Variants in GRK1 observed in about 807,000 individuals in gnomAD.
GRK1 encodes G protein-coupled receptor kinase 1.
A neutral mutation model predicts 41.7 loss-of-function variants in GRK1; 28 were observed. The ratio of observed to expected loss-of-function variants is 0.67; its 90% CI spans 0.50 to 0.92. GRK1 has a LOEUF of 0.92. Ranked by LOEUF, GRK1 falls within the 40% of genes least tolerant of loss-of-function variation. The pLI is 0.00. For missense variants in GRK1, 703 were observed against 671.2 expected (o/e 1.05, Z -0.52); for synonymous variants, 327 against 286.7 (o/e 1.14, Z -1.42).
intron 6 of GRK1, among the ~76,000 whole-genome samples, chr13:113,733,776 TAC>T (rs879662223): frequency 0.095 from 12,363 of 129,800 alleles, 957 homozygotes; most frequent in Middle Eastern, 0.15. Context: ...TGTGTGTGCA[TAC>T]GTGTGTGCAT....
At chr13:113,668,960 C>T (rs552297105) in intron 1 of GRK1, among the ~76,000 whole-genome samples, 5 of 152,356 alleles carry the variant, frequency 3.3e-5, no homozygotes, top group South Asian at 2.1e-4. Flanking sequence ...GTGTTCTCGC[C>T]GTGGAACTCG....
At chr13:113,728,856 G>C (rs567936640) in intron 4 of GRK1, among the ~76,000 whole-genome samples, 1 of 152,316 alleles carries the variant, frequency 6.6e-6, no homozygotes, top group East Asian at 1.9e-4. Context: ...AGCCCGGCTG[G>C]TGGGGTCTGC....
chr13:113,669,882 G>A (rs2049845447), intron 2 of GRK1, 68 bp downstream of exon 2: 1 of 1,587,706 alleles, frequency 6.3e-7, no homozygotes, highest in South Asian at 1.1e-5. Flanking sequence ...CCAGGGCCCG[G>A]GCTCCTTTCC....
rs574364389 is a variant in GRK1, at chr13:113,671,162, G to A, written c.828-337G>A. ...TGAGTCTGATGAACTTGGGGCCTGC[G>A]GAGCTGCATCCCACCTCGGCCTCGG... On this transcript the variant is annotated intron_variant, in intron 2 of 6. Coordinates refer to ENST00000335678, the MANE Select transcript of GRK1 (RefSeq NM_002929.3). The surrounding 1 kb of genome is among the most constrained non-coding windows in gnomAD (Gnocchi z 4.1). Among the ~76,000 whole-genome samples, 53 of 152,314 alleles carry A rather than the reference G, an allele frequency of 3.5e-4. No homozygotes were observed. The highest frequency in any genetic ancestry group is 7.7e-4 in the East Asian group (4 of 5,178).
At chr13:113,728,489 TGAG>T (rs1457739433) in intron 4 of GRK1, among the ~76,000 whole-genome samples, 1 of 150,672 alleles carries the variant, frequency 6.6e-6, no homozygotes, top group Non-Finnish European at 1.5e-5. Context: ...CCCATGGCGA[TGAG>T]GAGTACCCAT....
At chr13:113,732,700 G>A (rs984621531) in intron 5 of GRK1, among the ~76,000 whole-genome samples, 184 bp from the exon 6 acceptor site, 1 of 152,178 alleles carries the variant, frequency 6.6e-6, no homozygotes, top group Non-Finnish European at 1.5e-5. Flanking sequence ...TGGGAGCTTC[G>A]CCTTTAGGAT....
the GRK1 span, among the ~76,000 whole-genome samples, chr13:113,659,567 T>A: frequency 6.6e-6 from 1 of 152,152 alleles, no homozygotes; most frequent in Non-Finnish European, 1.5e-5. Flanking sequence ...TTCCTATCAT[T>A]TCTTTTCTTT....
At chr13:113,727,014 G>A (rs1210110551) in intron 4 of GRK1, among the ~76,000 whole-genome samples, 1 of 152,232 alleles carries the variant, frequency 6.6e-6, no homozygotes, top group Non-Finnish European at 1.5e-5. Flanking sequence ...CCCAGCCTGC[G>A]GCCTCTCTGC....
chr13:113,733,423 C>T lies in GRK1; in HGVS notation c.1396+338C>T, dbSNP rs566747993. On this transcript the variant is annotated intron_variant, in intron 6 of 6. Coordinates refer to ENST00000335678, the MANE Select transcript of GRK1 (RefSeq NM_002929.3). ...GAGGCCAGTGGCTCAGGCCGTCTGC[C>T]GGGGAGAAAGTCATCCACCCACCAG... is the stretch of plus-strand genomic sequence containing the variant. 1.3e-4 allele frequency among the ~76,000 whole-genome samples: 20 copies of T among 151,934 alleles called. No homozygotes were observed. The South Asian group carries it at 2.5e-3, about 19-fold the overall frequency.
chr13:113,671,893 C>T lies in GRK1; in HGVS notation c.985+237C>T, dbSNP rs955625217. Reference sequence around the variant, plus strand: ...GAACGGCGAGTCTGTTACGCCCAGTCCCCACCTTCCTTCTGCCTGAATGAG... The same window carrying T: ...GAACGGCGAGTCTGTTACGCCCAGTTCCCACCTTCCTTCTGCCTGAATGAG... On this transcript the variant is annotated intron_variant, in intron 3 of 6. Coordinates refer to ENST00000335678, the MANE Select transcript of GRK1 (RefSeq NM_002929.3). This position sits in a 1 kb window ranked among gnomAD's most constrained non-coding sequence, Gnocchi z 4.1. Among the ~76,000 whole-genome samples the T allele has an allele frequency of 6.6e-6, 1 of 152,098 alleles. No homozygotes were observed. The highest frequency in any genetic ancestry group is 6.5e-5 in the Admixed American group (1 of 15,286).
At chr13:113,661,252 T>C in the GRK1 span, among the ~76,000 whole-genome samples, 2 of 151,604 alleles carry the variant, frequency 1.3e-5, no homozygotes, top group African/African-American at 2.4e-5. Flanking sequence ...TACTCATGAG[T>C]CAAAAAGGAA....
At chr13:113,734,867 C>T (rs148715362) in intron 6 of GRK1, 2 of 470,072 alleles carry the variant, frequency 4.3e-6, no homozygotes, top group East Asian at 3.4e-5. Context: ...CACTCAAGCC[C>T]CAGCTGTGTG....
the GRK1 span, chr13:113,658,021 C>T: frequency 6.3e-7 from 1 of 1,589,324 alleles, no homozygotes; most frequent in Admixed American, 1.7e-5. Flanking sequence ...CCGGCCCGCC[C>T]CCCGCACGTA....
At chr13:113,670,029 C>T (rs1182675745) in intron 2 of GRK1, among the ~76,000 whole-genome samples, 1 of 152,208 alleles carries the variant, frequency 6.6e-6, no homozygotes, top group Non-Finnish European at 1.5e-5. Context: ...GGCGCCCAAC[C>T]TGACAATCAG....
At position 113,735,496 on chromosome 13, in the gene GRK1, C is replaced by T; in HGVS notation, c.*133C>T. ...CCCTCCACCCAGGTCCCCATCACGC[C>T]ATCTCCTTGCGGCCCAAGGAGGAGA... On this transcript the variant is annotated 3_prime_UTR_variant, in exon 7 of 7. Transcript: ENST00000335678. 2 of 1,019,974 alleles carry T rather than the reference C, an allele frequency of 2.0e-6. No homozygotes were observed. The highest frequency in any genetic ancestry group is 2.7e-6 in the Non-Finnish European group (2 of 738,948). 63.2% of individuals were successfully genotyped at this position (1,019,974 alleles called of 1,614,324 possible). A position where few individuals can be genotyped will look rare whatever the true frequency, so the allele number is the denominator to read the frequency against.
chr13:113,668,504 G>A (rs2049835104), intron 1 of GRK1, among the ~76,000 whole-genome samples: 1 of 152,212 alleles, frequency 6.6e-6, no homozygotes, highest in Admixed American at 6.5e-5. Context: ...AACTGAGGCA[G>A]GACGGAGGCA....
upstream of GRK1, among the ~76,000 whole-genome samples, chr13:113,663,653 A>G (rs1325977718): frequency 6.6e-6 from 1 of 152,254 alleles, no homozygotes; most frequent in Non-Finnish European, 1.5e-5. Context: ...AAAAGATGTG[A>G]AGAGACATTT....
Position 113,667,676 on chromosome 13 carries a change from C to T in GRK1, c.290C>T (p.Thr97Met), listed in dbSNP as rs116680839. ...TGGAAAGACATCGAGGACTATGACA[C>T]GGCAGACAATGACCTCCAGCCACAG... The part of the protein sequence containing the change: ...ELWKDIEDYD[T>M]ADNDLQPQKA... Residue 97 changes from threonine (T) to methionine (M), a missense_variant, in exon 1 of 7, where the codon ACG becomes ATG. Transcript: ENST00000335678. This position sits in a 1 kb window ranked among gnomAD's most constrained non-coding sequence, Gnocchi z 7.5. 1,688 of 1,613,620 alleles carry T rather than the reference C, an allele frequency of 1.0e-3. 17 individuals carry two copies. The African/African-American group carries it at 0.017, about 16-fold the overall frequency.
At chr13:113,733,925 C>CGT (rs1566700373) in intron 6 of GRK1, among the ~76,000 whole-genome samples, 295 of 41,880 alleles carry the variant, frequency 7.0e-3, no homozygotes, top group Non-Finnish European at 0.012. Context: ...TGCGTGTGTG[C>CGT]ATGTGTGCAT....
Sources: gnomAD v4.1 joint callset for allele counts (sites outside exome capture counted in the v4.1 genomes callset) on GRCh38, gnomAD v4.1.1 for gene constraint, Gnocchi (gnomAD v3.1) non-coding constraint, MANE v1.5 for transcripts, NCBI Gene and HGNC (gene_info 2026-07-23, HGNC 2026-07-21) for gene names.